Variants in CDH13 observed in about 807,000 individuals in gnomAD.
The protein encoded by CDH13 is cadherin 13.
Under a neutral mutation model 63.8 loss-of-function variants are expected in CDH13, and 24 were observed. That is an observed-to-expected ratio of 0.38 (90% CI 0.27 to 0.53). The LOEUF is 0.53. Among genes scored for constraint, CDH13 ranks in the 20% least tolerant of loss-of-function variants. The pLI is 0.85. For synonymous variants in CDH13, 503 were observed against 355.3 expected (o/e 1.42, Z -4.67); for missense variants, 1,049 against 903.1 (o/e 1.16, Z -2.07).
intron 1 of CDH13, among the ~76,000 whole-genome samples, chr16:82,848,564 T>C (rs139474884): frequency 2.1e-5 from 3 of 139,984 alleles, no homozygotes; most frequent in Non-Finnish European, 4.6e-5. Flanking sequence ...GATGTTACTA[T>C]TGTGATTTTT....
At chr16:83,492,158 C>T (rs1198306307) in intron 7 of CDH13, among the ~76,000 whole-genome samples, 1 of 151,904 alleles carries the variant, frequency 6.6e-6, no homozygotes, top group African/African-American at 2.4e-5. Flanking sequence ...ATACTAAAGA[C>T]ATCTGTGAAA....
intron 1 of CDH13, among the ~76,000 whole-genome samples, chr16:82,689,629 C>T (rs998587807): frequency 6.6e-6 from 1 of 152,046 alleles, no homozygotes; most frequent in Non-Finnish European, 1.5e-5. Flanking sequence ...GTGTTTGATG[C>T]CCTAATGTTT....
At chr16:83,300,604 G>A (rs765511474) in intron 5 of CDH13, among the ~76,000 whole-genome samples, 8 of 152,222 alleles carry the variant, frequency 5.3e-5, no homozygotes, top group South Asian at 2.1e-4. Context: ...GTCTGGGGAC[G>A]CAGTGTTGGA....
intron 3 of CDH13, among the ~76,000 whole-genome samples, chr16:83,073,321 C>T (rs370341151): frequency 1.4e-5 from 2 of 139,688 alleles, no homozygotes; most frequent in Non-Finnish European, 3.1e-5. Context: ...GGGTGTGTGT[C>T]TGTGTGTGTG....
In CDH13 at chr16:83,354,571, A is replaced by G. The variant is rs190260451; in HGVS notation, c.781+9565A>G. Among the ~76,000 whole-genome samples the G allele has an allele frequency of 2.6e-5, 4 of 152,322 alleles. No homozygotes were observed. The East Asian group carries it at 7.7e-4, about 29-fold the overall frequency. ...TTTCGGATAAAATAAAACAAGGTAC[A>G]TTGTTTTATTGACATAAGGTCAAGA... On this transcript the variant is annotated intron_variant, in intron 6 of 13. Coordinates refer to ENST00000567109, the MANE Select transcript of CDH13 (RefSeq NM_001257.5).
chr16:82,692,054 A>T (rs747664759), intron 1 of CDH13, among the ~76,000 whole-genome samples: 2 of 152,222 alleles, frequency 1.3e-5, no homozygotes, highest in Non-Finnish European at 2.9e-5. Context: ...CTTTTAGGGG[A>T]TATGGCTGGA....
chr16:83,181,493 C>G (rs549344149), intron 4 of CDH13, among the ~76,000 whole-genome samples: 24 of 152,328 alleles, frequency 1.6e-4, no homozygotes, highest in African/African-American at 5.5e-4. Context: ...GGCTGTAGTA[C>G]TTGACAATTG....
chr16:83,142,494 C>T (rs1289138706), intron 4 of CDH13, among the ~76,000 whole-genome samples: 3 of 152,126 alleles, frequency 2.0e-5, no homozygotes, highest in African/African-American at 7.2e-5. Flanking sequence ...TCCTACTCAT[C>T]CCTTGGGTCT....
At chr16:83,670,745 A>G (rs1263621330) in intron 8 of CDH13, 45 bp from the exon 9 acceptor site, 93 of 1,557,558 alleles carry the variant, frequency 6.0e-5, no homozygotes, top group Non-Finnish European at 7.9e-5. Flanking sequence ...GTAAATGACT[A>G]TGTGTTTTCA....
chr16:82,762,131 G>C (rs2034877876), intron 1 of CDH13, among the ~76,000 whole-genome samples: 1 of 152,138 alleles, frequency 6.6e-6, no homozygotes, highest in South Asian at 2.1e-4. Context: ...GCTGGCTGCA[G>C]TCCCCTTCTT....
chr16:83,235,592 T>TG (rs2040121274), intron 5 of CDH13, among the ~76,000 whole-genome samples: 3 of 150,726 alleles, frequency 2.0e-5, no homozygotes, highest in Admixed American at 2.0e-4. Flanking sequence ...GTTTTTTTTT[T>TG]TTTTTCTCAT....
chr16:82,835,648 G>T (rs2151121527), intron 1 of CDH13, among the ~76,000 whole-genome samples: 1 of 152,302 alleles, frequency 6.6e-6, no homozygotes, highest in African/African-American at 2.4e-5. Flanking sequence ...ATGAGGAAAT[G>T]CTCTGTCCCT....
At chr16:83,455,362 G>C (rs1168216251) in intron 6 of CDH13, among the ~76,000 whole-genome samples, 2 of 152,296 alleles carry the variant, frequency 1.3e-5, no homozygotes, top group South Asian at 2.1e-4. Context: ...AAAATGCAGG[G>C]AGCCTGGTGT....
At chr16:82,760,193 A>G (rs572371190) in intron 1 of CDH13, among the ~76,000 whole-genome samples, 4 of 152,292 alleles carry the variant, frequency 2.6e-5, no homozygotes, top group Admixed American at 2.6e-4. Context: ...TATCTGTGCC[A>G]GTTAGACATA....
At chr16:82,734,879 C>A (rs764532822) in intron 1 of CDH13, among the ~76,000 whole-genome samples, 2 of 152,152 alleles carry the variant, frequency 1.3e-5, no homozygotes, top group Admixed American at 6.5e-5. Context: ...GCCTGCTGAC[C>A]GCACTCCCAG....
At chr16:83,280,616 C>A (rs544619714) in intron 5 of CDH13, among the ~76,000 whole-genome samples, 34 of 152,308 alleles carry the variant, frequency 2.2e-4, no homozygotes, top group African/African-American at 7.7e-4. Flanking sequence ...ACAGTAAATT[C>A]TTTCCCGAAG....
At chr16:83,285,223 C>G (rs2089279586) in intron 5 of CDH13, among the ~76,000 whole-genome samples, 1 of 152,150 alleles carries the variant, frequency 6.6e-6, no homozygotes, top group Non-Finnish European at 1.5e-5. Context: ...AAGAAAACGT[C>G]TCACCTAGAA....
At chr16:83,055,926 G>A (rs1373956684) in intron 3 of CDH13, among the ~76,000 whole-genome samples, 3 of 152,036 alleles carry the variant, frequency 2.0e-5, no homozygotes, top group African/African-American at 7.2e-5. Context: ...AGGCTATACA[G>A]TGGAAAAAAA....
intron 1 of CDH13, among the ~76,000 whole-genome samples, chr16:82,832,720 CT>C (rs1347696821): frequency 2.1e-5 from 3 of 145,296 alleles, no homozygotes; most frequent in African/African-American, 7.8e-5. Context: ...TTACAGTAAG[CT>C]TTTGCATCTG....
Sources: allele counts gnomAD v4.1 joint callset (sites outside exome capture counted in the v4.1 genomes callset), GRCh38; gene constraint gnomAD v4.1.1; transcripts MANE v1.5; gene names NCBI Gene and HGNC (gene_info 2026-07-23, HGNC 2026-07-21).